The following RAPGEF4 variants were observed in gnomAD, a reference collection of about 807,000 sequenced individuals.
RAPGEF4 encodes Rap guanine nucleotide exchange factor 4.
Under a neutral mutation model 147.9 loss-of-function variants are expected in RAPGEF4, and 66 were observed. The ratio of observed to expected loss-of-function variants is 0.45; its 90% CI spans 0.37 to 0.55. The LOEUF (loss-of-function observed/expected upper bound fraction) is 0.55. Among genes scored for constraint, RAPGEF4 ranks in the 20% least tolerant of loss-of-function variants. The probability of loss-of-function intolerance (pLI) is 0.00; values close to 1 mark genes in which losing one functional copy is unlikely to be tolerated. For synonymous variants in RAPGEF4, 419 were observed against 442.7 expected (o/e 0.95, Z 0.67); for missense variants, 1,071 against 1,257.3 (o/e 0.85, Z 2.24).
chr2:172,821,324 G>A (rs1275134170), intron 4 of RAPGEF4, among the ~76,000 whole-genome samples: 1 of 152,118 alleles, frequency 6.6e-6, no homozygotes, highest in African/African-American at 2.4e-5. Context: ...AATGCACGGG[G>A]ACCGAGACCC....
chr2:173,043,918 A>T (rs1685088718), intron 29 of RAPGEF4, among the ~76,000 whole-genome samples: 1 of 152,082 alleles, frequency 6.6e-6, no homozygotes, highest in South Asian at 2.1e-4. Context: ...TGTACTGGTC[A>T]CTCTGATGCA....
intron 4 of RAPGEF4, among the ~76,000 whole-genome samples, chr2:172,913,516 G>A (rs1457806181): frequency 6.6e-6 from 1 of 152,226 alleles, no homozygotes; most frequent in African/African-American, 2.4e-5. Context: ...GGCTAGCTGG[G>A]AGCTAGAATT....
At chr2:172,864,769 G>T (rs1694442964) in intron 4 of RAPGEF4, among the ~76,000 whole-genome samples, 2 of 152,192 alleles carry the variant, frequency 1.3e-5, no homozygotes, top group Admixed American at 1.3e-4. Flanking sequence ...GCCAGGCATG[G>T]TGGCACGTGA....
chr2:173,020,814 T>G lies in RAPGEF4; in HGVS notation c.2253+99T>G, dbSNP rs185454628. ...ACTGAACCCAGTGGCTAAAAAATCT[T>G]GAATGGTACTTAGCTTTTTCTTTTT... On this transcript the variant is annotated intron_variant, in intron 23 of 30. Coordinates refer to ENST00000397081, the MANE Select transcript of RAPGEF4 (RefSeq NM_007023.4). The G allele has an allele frequency of 5.1e-5, 44 of 858,474 alleles. No individual in the cohort carries two copies. The African/African-American group carries it at 6.5e-4, about 13-fold the overall frequency. The allele number at this position is 858,474 out of a possible 1,614,324, so 53.2% of individuals were successfully genotyped here. A position where few individuals can be genotyped will look rare whatever the true frequency, so the allele number is the denominator to read the frequency against.
intron 8 of RAPGEF4, 71 bp from the exon 9 acceptor site, chr2:172,965,491 C>T: frequency 6.5e-7 from 1 of 1,538,108 alleles, no homozygotes; most frequent in Non-Finnish European, 9.0e-7. Flanking sequence ...GTTTTCCTCT[C>T]AAAAGCCATC....
chr2:172,828,861 C>A (rs2149661608), intron 4 of RAPGEF4, among the ~76,000 whole-genome samples: 1 of 152,260 alleles, frequency 6.6e-6, no homozygotes, highest in Non-Finnish European at 1.5e-5. Flanking sequence ...TACCTCTCAG[C>A]AGTTTATTTT....
intron 4 of RAPGEF4, among the ~76,000 whole-genome samples, chr2:172,841,707 T>C (rs568982054): frequency 6.6e-6 from 1 of 152,164 alleles, no homozygotes; most frequent in East Asian, 1.9e-4. Flanking sequence ...TTACTGCCAC[T>C]TCTCAAAATG....
intron 3 of RAPGEF4, among the ~76,000 whole-genome samples, chr2:172,807,274 C>T (rs1377620416): frequency 2.0e-5 from 3 of 152,244 alleles, no homozygotes; most frequent in African/African-American, 4.8e-5. Flanking sequence ...ACTGGCTCTC[C>T]ACTGAAATGA....
At chr2:173,001,153 C>T in intron 16 of RAPGEF4, 113 bp from the exon 17 acceptor site, 4 of 1,478,418 alleles carry the variant, frequency 2.7e-6, no homozygotes, top group Non-Finnish European at 3.6e-6. Flanking sequence ...TAAACTCATG[C>T]CCCAAACCAA....
intron 6 of RAPGEF4, among the ~76,000 whole-genome samples, chr2:172,940,891 T>C (rs2105326779): frequency 6.6e-6 from 1 of 152,366 alleles, no homozygotes; most frequent in Non-Finnish European, 1.5e-5. Context: ...TGTTCACTGA[T>C]TTTCTTCATC....
intron 1 of RAPGEF4, among the ~76,000 whole-genome samples, chr2:172,736,658 A>T (rs554931877): frequency 1.3e-5 from 2 of 152,306 alleles, no homozygotes; most frequent in African/African-American, 4.8e-5. Flanking sequence ...CGCTAAAAAT[A>T]ATTAAAACCA....
In RAPGEF4 at chr2:173,030,201, A is replaced by T; in HGVS notation, c.2596A>T (p.Ile866Phe). 6.2e-7 allele frequency: 1 copy of T among 1,613,710 alleles called. No homozygotes were observed. Among genetic ancestry groups the T allele is most frequent in the Non-Finnish European group, 8.5e-7 (1 of 1,179,616 alleles). ...TAAAAATCTGAATTCCTTTTTTGCC[A>T]TCGTCATGGGACTAAGTAACGTTGC... ...EYKNLNSFFA[I>F]VMGLSNVAVS... is the part of the protein sequence containing the mutation. The change falls in exon 26 of 31, where the codon ATC becomes TTC. Residue 866 changes from isoleucine to phenylalanine, a missense_variant. Physicochemically the swap from Ile to Phe is conservative, Grantham distance 21. Coordinates refer to ENST00000397081, the MANE Select transcript of RAPGEF4 (RefSeq NM_007023.4).
At chr2:172,963,503 AAT>A (rs560192475) in intron 8 of RAPGEF4, among the ~76,000 whole-genome samples, 288 of 152,346 alleles carry the variant, frequency 1.9e-3, no homozygotes, top group African/African-American at 6.6e-3. Flanking sequence ...AATTTATTAA[AAT>A]ATGTCATGTT....
intron 6 of RAPGEF4, among the ~76,000 whole-genome samples, chr2:172,923,258 T>G (rs1559122949): frequency 6.6e-6 from 1 of 151,524 alleles, no homozygotes; most frequent in Non-Finnish European, 1.5e-5. Flanking sequence ...ACTTGGGAGG[T>G]GGGGGTTGAT....
chr2:172,939,115 G>C (rs539733516), intron 6 of RAPGEF4, among the ~76,000 whole-genome samples: 2 of 152,296 alleles, frequency 1.3e-5, no homozygotes, highest in South Asian at 4.1e-4. Flanking sequence ...GAGTAAAACT[G>C]TTATGAATAT....
chr2:172,919,165 T>C (rs1397957742), intron 5 of RAPGEF4, among the ~76,000 whole-genome samples: 1 of 152,144 alleles, frequency 6.6e-6, no homozygotes, highest in Non-Finnish European at 1.5e-5. Context: ...TGCTGTCTTC[T>C]AGCTGACATC....
At chr2:172,968,743 C>T (rs1406010382) in intron 10 of RAPGEF4, among the ~76,000 whole-genome samples, 4 of 152,182 alleles carry the variant, frequency 2.6e-5, no homozygotes. Context: ...TCCAAGAAAC[C>T]TGCCCAGCCA....
intron 6 of RAPGEF4, among the ~76,000 whole-genome samples, chr2:172,948,427 A>G (rs1687894597): frequency 1.3e-5 from 2 of 152,326 alleles, no homozygotes; most frequent in South Asian, 2.1e-4. Flanking sequence ...AAACAGTCAG[A>G]AATACTTATC....
intron 1 of RAPGEF4, 145 bp from the exon 2 acceptor site, chr2:172,794,880 A>G (rs1364927134): frequency 1.2e-5 from 10 of 832,584 alleles, no homozygotes; most frequent in East Asian, 2.5e-5. Flanking sequence ...AGAAATACCT[A>G]TAAGGGGGTG....
Sources: allele counts gnomAD v4.1 joint callset (sites outside exome capture counted in the v4.1 genomes callset), GRCh38; gene constraint gnomAD v4.1.1; transcripts MANE v1.5; gene names NCBI Gene and HGNC (gene_info 2026-07-23, HGNC 2026-07-21).